Variants in TENM4 observed in about 807,000 individuals in gnomAD.
TENM4 encodes teneurin-4.
A neutral mutation model predicts 243.3 loss-of-function variants in TENM4; 82 were observed. The observed-to-expected ratio is 0.34, with a 90% confidence interval of 0.28 to 0.40. TENM4 has a LOEUF of 0.40. Ranked by LOEUF, TENM4 falls within the 10% of genes least tolerant of loss-of-function variation. The pLI, the probability that TENM4 is intolerant of heterozygous loss-of-function variation, is 1.00. For synonymous variants in TENM4, 1,412 were observed against 1,456.3 expected (o/e 0.97, Z 0.69); for missense variants, 3,138 against 3,673.3 (o/e 0.85, Z 3.77).
intron 6 of TENM4, among the ~76,000 whole-genome samples, chr11:78,994,133 G>C (rs538562963): frequency 6.6e-6 from 1 of 152,310 alleles, no homozygotes; most frequent in East Asian, 1.9e-4. Context: ...CCTTTCTCCA[G>C]TGTGTAGTGG....
At chr11:78,752,740 C>T (rs775146735) in intron 19 of TENM4, among the ~76,000 whole-genome samples, 1 of 152,148 alleles carries the variant, frequency 6.6e-6, no homozygotes, top group African/African-American at 2.4e-5. Context: ...AGGATCCCAA[C>T]TGACAGCTGG....
chr11:79,164,039 T>C (rs1182354159), intron 3 of TENM4, among the ~76,000 whole-genome samples: 2 of 61,266 alleles, frequency 3.3e-5, no homozygotes, highest in Non-Finnish European at 7.5e-5. Context: ...ATAGTATATA[T>C]ACACTATAAA....
At chr11:79,180,016 A>G (rs1391612569) in intron 3 of TENM4, among the ~76,000 whole-genome samples, 2 of 151,800 alleles carry the variant, frequency 1.3e-5, no homozygotes, top group Non-Finnish European at 2.9e-5. Flanking sequence ...TCTGTCTCCA[A>G]AACCTAAGGT....
intron 3 of TENM4, among the ~76,000 whole-genome samples, chr11:79,169,262 A>T (rs1164801665): frequency 6.6e-6 from 1 of 152,248 alleles, no homozygotes; most frequent in Admixed American, 6.5e-5. Flanking sequence ...TTTGTTACAC[A>T]GCAATAGATG....
At chr11:79,337,320 A>G (rs1479120475) in intron 1 of TENM4, among the ~76,000 whole-genome samples, 1 of 152,168 alleles carries the variant, frequency 6.6e-6, no homozygotes, top group Non-Finnish European at 1.5e-5. Flanking sequence ...CTTGTAAGAG[A>G]AACTGTTCCA....
At chr11:79,403,815 G>C (rs1482123958) in intron 1 of TENM4, among the ~76,000 whole-genome samples, 1 of 152,142 alleles carries the variant, frequency 6.6e-6, no homozygotes, top group Non-Finnish European at 1.5e-5. Flanking sequence ...GGGGGGTTGA[G>C]GGGGGTGGTG....
intron 1 of TENM4, among the ~76,000 whole-genome samples, chr11:79,409,119 T>TGCACGC (rs1858642985): frequency 7.2e-6 from 1 of 138,736 alleles, no homozygotes; most frequent in East Asian, 2.3e-4. Context: ...CGCGCGTGCG[T>TGCACGC]GCACGCGCAC....
intron 1 of TENM4, chr11:79,402,068 T>C: frequency 2.2e-6 from 1 of 451,526 alleles, no homozygotes; most frequent in Non-Finnish European, 4.8e-6. Flanking sequence ...CATGTGCAAG[T>C]CATTTACCCC....
rs144370305 is a variant in TENM4, at chr11:79,141,018, G to A, written c.-66+7692C>T. Among the ~76,000 whole-genome samples, 4 of 152,154 alleles carry A rather than the reference G, an allele frequency of 2.6e-5. No individual in the cohort carries two copies. The East Asian group carries it at 7.8e-4, about 30-fold the overall frequency. On this transcript the variant is annotated intron_variant, in intron 4 of 33. Coordinates refer to ENST00000278550, the MANE Select transcript of TENM4 (RefSeq NM_001098816.3). ...TACCAGGTTGCCTCCCTGAGATTAA[G>A]GTGCTAGACGGAGCCTATTAATGTG...
intron 14 of TENM4, among the ~76,000 whole-genome samples, 178 bp from the exon 15 acceptor site, chr11:78,805,670 C>T (rs1048682985): frequency 1.3e-5 from 2 of 152,198 alleles, no homozygotes; most frequent in African/African-American, 4.8e-5. Flanking sequence ...GGCTTCCCAA[C>T]TCCACCCAGG....
At chr11:79,086,121 G>C (rs1437279904) in intron 4 of TENM4, among the ~76,000 whole-genome samples, 1 of 152,226 alleles carries the variant, frequency 6.6e-6, no homozygotes, top group African/African-American at 2.4e-5. Flanking sequence ...CTAACTCTGG[G>C]GTTGGCCACA....
intron 1 of TENM4, among the ~76,000 whole-genome samples, chr11:79,362,755 C>A (rs906001264): frequency 6.6e-6 from 1 of 152,204 alleles, no homozygotes; most frequent in Non-Finnish European, 1.5e-5. Context: ...CCTCTCTGAA[C>A]CTGTTCTTTC....
intron 6 of TENM4, among the ~76,000 whole-genome samples, chr11:78,922,252 G>A (rs1036911540): frequency 5.9e-5 from 9 of 152,186 alleles, no homozygotes; most frequent in Non-Finnish European, 1.3e-4. Context: ...GAGACAGCAT[G>A]AGGAAAGGCA....
At chr11:79,065,032 G>C in intron 5 of TENM4, 25 bp from the exon 6 acceptor site, 1 of 1,452,032 alleles carries the variant, frequency 6.9e-7, no homozygotes, top group Non-Finnish European at 9.1e-7. Context: ...AGGTGAACTT[G>C]GTTAGGGCAC....
intron 18 of TENM4, among the ~76,000 whole-genome samples, chr11:78,761,707 G>C (rs376732159): frequency 6.6e-6 from 1 of 151,262 alleles, no homozygotes; most frequent in Non-Finnish European, 1.5e-5. Flanking sequence ...CACCCCCCCA[G>C]CCCCGACAAG....
chr11:79,138,519 A>G (rs1364957715), intron 4 of TENM4, among the ~76,000 whole-genome samples: 1 of 115,352 alleles, frequency 8.7e-6, no homozygotes, highest in Non-Finnish European at 1.6e-5. Flanking sequence ...AATATATTAT[A>G]TTTATACATA....
chr11:79,269,572 G>C (rs1227567037), intron 2 of TENM4: 1 of 152,442 alleles, frequency 6.6e-6, no homozygotes, highest in Non-Finnish European at 1.5e-5. Context: ...GGGGACTCGA[G>C]GCTGCACCCC....
intron 1 of TENM4, among the ~76,000 whole-genome samples, chr11:79,400,930 A>T (rs551084631): frequency 6.6e-5 from 10 of 152,294 alleles, no homozygotes; most frequent in Admixed American, 5.9e-4. Context: ...GGCAGGGGGC[A>T]CTCTGCCCAA....
At chr11:78,671,467 G>C (rs1341338516) in intron 31 of TENM4, among the ~76,000 whole-genome samples, 1 of 152,202 alleles carries the variant, frequency 6.6e-6, no homozygotes, top group Non-Finnish European at 1.5e-5. Context: ...CTCAGGAAAA[G>C]ATCAGCAGAT....
Sources: allele counts gnomAD v4.1 joint callset (sites outside exome capture counted in the v4.1 genomes callset), GRCh38; gene constraint gnomAD v4.1.1; transcripts MANE v1.5; gene names NCBI Gene and HGNC (gene_info 2026-07-23, HGNC 2026-07-21).